The following KCNIP4 variants were observed in gnomAD, a reference collection of about 807,000 sequenced individuals.
KCNIP4 encodes the protein potassium voltage-gated channel interacting protein 4, also known as Kv channel-interacting protein 4.
A neutral mutation model predicts 34.0 loss-of-function variants in KCNIP4; 12 were observed. That is an observed-to-expected ratio of 0.35 (90% CI 0.23 to 0.57). The LOEUF is 0.57. Among genes scored for constraint, KCNIP4 ranks in the 20% least tolerant of loss-of-function variants. KCNIP4 has a pLI of 0.83. For synonymous variants in KCNIP4, 124 were observed against 102.2 expected (o/e 1.21, Z -1.29); for missense variants, 238 against 311.7 (o/e 0.76, Z 1.78).
chr4:20,961,049 T>A (rs1733802176), intron 1 of KCNIP4, among the ~76,000 whole-genome samples: 1 of 152,194 alleles, frequency 6.6e-6, no homozygotes, highest in South Asian at 2.1e-4. Context: ...TTCTGAATAC[T>A]GAGGGATATT....
chr4:21,538,019 A>G (rs1400228316), intron 1 of KCNIP4, among the ~76,000 whole-genome samples: 2 of 138,508 alleles, frequency 1.4e-5, no homozygotes, highest in Admixed American at 1.4e-4. Flanking sequence ...CTCAAAAAAA[A>G]AAAAAAAAAA....
Position 20,789,995 on chromosome 4 carries a change from T to C in KCNIP4, c.289-31105A>G, listed in dbSNP as rs80074576. On this transcript the variant is annotated intron_variant, in intron 3 of 8. Transcript: ENST00000382152. ...AATGATGGAGATACTTTCTGAGAAA[T>C]AGGTCATTAGGTGACTTCCATTTTG... Among the ~76,000 whole-genome samples the C allele has an allele frequency of 7.9e-3, 1,202 of 152,168 alleles. 17 individuals are homozygous for C. The highest frequency in any genetic ancestry group is 0.028 in the African/African-American group (1,147 of 41,520).
At chr4:21,087,500 T>C (rs1746578320) in intron 1 of KCNIP4, among the ~76,000 whole-genome samples, 1 of 152,050 alleles carries the variant, frequency 6.6e-6, no homozygotes, top group South Asian at 2.1e-4. Context: ...GTTGGCCCAG[T>C]TGGTCTGGAA....
intron 1 of KCNIP4, among the ~76,000 whole-genome samples, chr4:21,733,064 C>A (rs897821286): frequency 6.6e-6 from 1 of 152,100 alleles, no homozygotes; most frequent in Admixed American, 6.5e-5. Flanking sequence ...TAGAAAAGTA[C>A]GAATCTCAAC....
At chr4:21,728,869 A>C (rs1456420446) in intron 1 of KCNIP4, among the ~76,000 whole-genome samples, 1 of 151,920 alleles carries the variant, frequency 6.6e-6, no homozygotes, top group African/African-American at 2.4e-5. Context: ...TTCCAAGACC[A>C]CCCTATTAAA....
intron 1 of KCNIP4, among the ~76,000 whole-genome samples, chr4:21,036,234 CA>C (rs2149771476): frequency 6.6e-6 from 1 of 152,196 alleles, no homozygotes; most frequent in South Asian, 2.1e-4. Context: ...TTAATCTGCA[CA>C]AAAATTCTGC....
At chr4:21,104,031 G>A (rs1320948900) in intron 1 of KCNIP4, among the ~76,000 whole-genome samples, 3 of 141,130 alleles carry the variant, frequency 2.1e-5, no homozygotes, top group Admixed American at 7.0e-5. Context: ...TGTGAATAGT[G>A]CCTCAATAAA....
chr4:21,562,493 C>T (rs535167426), intron 1 of KCNIP4, among the ~76,000 whole-genome samples: 9 of 151,990 alleles, frequency 5.9e-5, no homozygotes, highest in East Asian at 1.9e-4. Flanking sequence ...TTGTTTATGC[C>T]GAGTAAACAT....
intron 5 of KCNIP4, 23 bp downstream of exon 5, chr4:20,749,639 T>TA (rs1439426693): frequency 6.6e-7 from 1 of 1,514,054 alleles, no homozygotes; most frequent in Non-Finnish European, 9.1e-7. Context: ...AGTCAAATGA[T>TA]ATGAAAATAA....
At chr4:21,864,239 C>A (rs1186252289) in intron 1 of KCNIP4, among the ~76,000 whole-genome samples, 1 of 152,136 alleles carries the variant, frequency 6.6e-6, no homozygotes, top group African/African-American at 2.4e-5. Flanking sequence ...GATAATACTG[C>A]AATATATTCT....
rs185882646 is a variant in KCNIP4, at chr4:21,595,840, G to A, written c.61+352731C>T. On this transcript the variant is annotated intron_variant, in intron 1 of 8. Transcript: ENST00000382152. ...AAAAAATATTTATTGACAATCTACC[G>A]TGTGCTGACTTCTCTGTTCAGCCTC... 1.0e-3 allele frequency among the ~76,000 whole-genome samples: 157 copies of A among 152,116 alleles called. 1 individual carries two copies. The highest frequency in any genetic ancestry group is 6.2e-4 in the South Asian group (3 of 4,822).
chr4:21,627,257 C>T (rs1745408555), intron 1 of KCNIP4, among the ~76,000 whole-genome samples: 1 of 152,048 alleles, frequency 6.6e-6, no homozygotes, highest in Non-Finnish European at 1.5e-5. Context: ...GGCAGTTTAG[C>T]TCTTGGTTAT....
chr4:20,979,914 T>C (rs1051528867), intron 1 of KCNIP4, among the ~76,000 whole-genome samples: 13 of 152,198 alleles, frequency 8.5e-5, no homozygotes, highest in Non-Finnish European at 1.8e-4. Flanking sequence ...CAACGAGCCA[T>C]ATCCAATTCA....
At chr4:20,956,071 A>G (rs1028872742) in intron 1 of KCNIP4, among the ~76,000 whole-genome samples, 2 of 152,148 alleles carry the variant, frequency 1.3e-5, no homozygotes, top group African/African-American at 4.8e-5. Context: ...GATTTTCTAA[A>G]TTTGATTAGA....
chr4:21,640,840 C>T (rs1746563135), intron 1 of KCNIP4, among the ~76,000 whole-genome samples: 1 of 152,130 alleles, frequency 6.6e-6, no homozygotes, highest in Non-Finnish European at 1.5e-5. Flanking sequence ...CCAGCAGATT[C>T]AATGGTGTTT....
intron 1 of KCNIP4, among the ~76,000 whole-genome samples, chr4:21,902,781 C>T (rs983129978): frequency 6.6e-6 from 1 of 152,022 alleles, no homozygotes; most frequent in Non-Finnish European, 1.5e-5. Flanking sequence ...ATGGTTGAGG[C>T]TTGGAGGGAT....
intron 1 of KCNIP4, chr4:21,852,208 G>A (rs2175781): frequency 0.13 from 20,288 of 152,046 alleles, 1,511 homozygotes; most frequent in African/African-American, 0.22. Context: ...AGTCTGTCCC[G>A]GGAAGGCTTC....
At chr4:21,427,547 G>A (rs1315175736) in intron 1 of KCNIP4, among the ~76,000 whole-genome samples, 1 of 152,126 alleles carries the variant, frequency 6.6e-6, no homozygotes, top group Non-Finnish European at 1.5e-5. Context: ...CCTGCAGGGA[G>A]CAGGCTTGGT....
At chr4:21,604,468 T>C (rs1033532594) in intron 1 of KCNIP4, among the ~76,000 whole-genome samples, 3 of 152,288 alleles carry the variant, frequency 2.0e-5, no homozygotes, top group Admixed American at 2.0e-4. Context: ...TTATTAAACA[T>C]TGTAATACAG....
Sources: allele counts gnomAD v4.1 joint callset (sites outside exome capture counted in the v4.1 genomes callset), GRCh38; gene constraint gnomAD v4.1.1; transcripts MANE v1.5; gene names NCBI Gene and HGNC (gene_info 2026-07-23, HGNC 2026-07-21).